The following SSBP3 variants were observed in gnomAD, a reference collection of about 807,000 sequenced individuals.
SSBP3 encodes the protein single stranded DNA binding protein 3, also known as single-stranded DNA-binding protein 3.
A neutral mutation model predicts 69.6 loss-of-function variants in SSBP3; 5 were observed. The observed-to-expected ratio is 0.07, with a 90% confidence interval of 0.04 to 0.15. SSBP3 has a LOEUF of 0.15. Among genes scored for constraint, SSBP3 ranks in the 10% least tolerant of loss-of-function variants. The pLI is 1.00. For synonymous variants in SSBP3, 196 were observed against 193.4 expected, an observed-to-expected ratio of 1.01 and a Z score of -0.11; for missense variants, 312 against 534.0, an observed-to-expected ratio of 0.58 and a Z score of 4.10.
upstream of SSBP3, among the ~76,000 whole-genome samples, chr1:54,406,898 G>C (rs946748181): frequency 6.8e-6 from 1 of 147,990 alleles, no homozygotes; most frequent in African/African-American, 2.5e-5. Flanking sequence ...CTCCGCTCTT[G>C]GTTGTCCTCC....
exon 14 of SSBP3, chr1:54,239,137 G>A: frequency 3.7e-6 from 6 of 1,613,778 alleles, no homozygotes; most frequent in African/African-American, 1.3e-5. Flanking sequence ...ACGTTGGACC[G>A]GCTGCCTCCA....
At chr1:54,307,907 C>T (rs569175596) in intron 4 of SSBP3, among the ~76,000 whole-genome samples, 3 of 152,222 alleles carry the variant, frequency 2.0e-5, no homozygotes, top group Non-Finnish European at 4.4e-5. Flanking sequence ...CAGCAGCCCT[C>T]GGGGCTGCTC....
At chr1:54,349,061 G>A (rs550124110) in intron 4 of SSBP3, among the ~76,000 whole-genome samples, 2 of 152,334 alleles carry the variant, frequency 1.3e-5, no homozygotes, top group South Asian at 2.1e-4. Context: ...AGCCTCGTCT[G>A]CAAAGATAAG....
chr1:54,397,996 T>C (rs1412312402), intron 4 of SSBP3, among the ~76,000 whole-genome samples: 1 of 152,190 alleles, frequency 6.6e-6, no homozygotes, highest in Admixed American at 6.5e-5. Context: ...CCAACCAGCA[T>C]ACCCGGTGCC....
At chr1:54,252,172 C>G (rs1260756030) in intron 7 of SSBP3, among the ~76,000 whole-genome samples, 1 of 152,170 alleles carries the variant, frequency 6.6e-6, no homozygotes, top group Non-Finnish European at 1.5e-5. Context: ...AGACCAAGTT[C>G]TCTAGGTCTT....
intron 4 of SSBP3, among the ~76,000 whole-genome samples, chr1:54,394,055 C>T (rs902995341): frequency 6.6e-6 from 1 of 152,214 alleles, no homozygotes; most frequent in Admixed American, 6.5e-5. Flanking sequence ...CCACTGCGCC[C>T]GGCCTGGTAT....
At chr1:54,411,950 C>A (rs566711477) in intron 1 of SSBP3, among the ~76,000 whole-genome samples, 2 of 150,418 alleles carry the variant, frequency 1.3e-5, no homozygotes, top group Non-Finnish European at 3.0e-5. Flanking sequence ...GGGAGAGGAA[C>A]CTGACACCCA....
intron 4 of SSBP3, among the ~76,000 whole-genome samples, chr1:54,372,230 G>A (rs906526113): frequency 6.6e-6 from 1 of 152,226 alleles, no homozygotes; most frequent in Non-Finnish European, 1.5e-5. Context: ...CTGCCTTGCA[G>A]GGTTGGTCTG....
intron 4 of SSBP3, among the ~76,000 whole-genome samples, chr1:54,394,949 A>T (rs1648757413): frequency 6.6e-6 from 1 of 151,366 alleles, no homozygotes; most frequent in African/African-American, 2.4e-5. Context: ...GTGATCCGCC[A>T]GCCTCGGCCT....
chr1:54,272,802 G>C (rs1645218504), intron 5 of SSBP3, among the ~76,000 whole-genome samples: 1 of 152,202 alleles, frequency 6.6e-6, no homozygotes, highest in African/African-American at 2.4e-5. Context: ...GGATAAACCA[G>C]CCCAAGCTCT....
intron 4 of SSBP3, among the ~76,000 whole-genome samples, chr1:54,389,993 G>A (rs550120576): frequency 6.6e-6 from 1 of 152,002 alleles, no homozygotes; most frequent in Admixed American, 6.5e-5. Context: ...AGGAATAACA[G>A]AACTTAACTC....
At chr1:54,341,598 T>C (rs1347936639) in intron 4 of SSBP3, among the ~76,000 whole-genome samples, 2 of 151,808 alleles carry the variant, frequency 1.3e-5, no homozygotes, top group Admixed American at 1.3e-4. Flanking sequence ...GTAAAGAGGA[T>C]AGCCCAGTCC....
chr1:54,243,251 T>C (rs1557453032), exon 10 of SSBP3: 2 of 1,606,630 alleles, frequency 1.2e-6, no homozygotes, highest in South Asian at 1.1e-5. Context: ...ATCCCGGGCA[T>C]GGCGGGGCCG....
At chr1:54,382,988 A>AG (rs1354644152) in intron 4 of SSBP3, among the ~76,000 whole-genome samples, 1 of 149,952 alleles carries the variant, frequency 6.7e-6, no homozygotes, top group Non-Finnish European at 1.5e-5. Context: ...TCCATGACAA[A>AG]AAAAAAAAAA....
chr1:54,239,299 T>A, intron 13 of SSBP3, 100 bp from the exon 14 acceptor site: 2 of 937,918 alleles, frequency 2.1e-6, no homozygotes, highest in Non-Finnish European at 3.2e-6. Flanking sequence ...TTTTATAACC[T>A]AAAATTTCCT....
chr1:54,409,575 C>T (rs1235950759), upstream of SSBP3, among the ~76,000 whole-genome samples: 1 of 152,070 alleles, frequency 6.6e-6, no homozygotes, highest in Non-Finnish European at 1.5e-5. Context: ...GGAATGGATA[C>T]CACCAACAAT....
chr1:54,330,947 T>A (rs551775423), intron 4 of SSBP3, among the ~76,000 whole-genome samples: 1 of 152,248 alleles, frequency 6.6e-6, no homozygotes, highest in Admixed American at 6.5e-5. Flanking sequence ...CTGGAAGTAA[T>A]GAAGAAATGG....
chr1:54,372,997 T>TTTATA (rs1470185667), intron 4 of SSBP3, among the ~76,000 whole-genome samples: 2 of 152,206 alleles, frequency 1.3e-5, no homozygotes, highest in Non-Finnish European at 2.9e-5. Context: ...ATGCAATGTC[T>TTTATA]TTATATAATT....
rs565417923 is a variant in SSBP3, at chr1:54,254,422, C to T, written c.508-2562G>A. ...TAAACCCGGCTGAACTCCACTGTCA[C>T]CACCCATCCAATCACCCGCACTTGA... On this transcript the variant is annotated intron_variant, in intron 7 of 17. Coordinates refer to ENST00000610401, the Ensembl canonical transcript of SSBP3. 1.8e-4 allele frequency among the ~76,000 whole-genome samples: 27 copies of T among 152,336 alleles called. No homozygotes were observed. The South Asian group carries it at 5.4e-3, about 30-fold the overall frequency.
Sources: gnomAD v4.1 joint callset for allele counts (sites outside exome capture counted in the v4.1 genomes callset) on GRCh38, gnomAD v4.1.1 for gene constraint, MANE v1.5 for transcripts, NCBI Gene and HGNC (gene_info 2026-07-23, HGNC 2026-07-21) for gene names.